Variants in DOCK3 observed in about 807,000 individuals in gnomAD.
DOCK3 encodes dedicator of cytokinesis protein 3.
DOCK3 carries 60 observed loss-of-function variants against 265.6 expected under a neutral mutation model. The ratio of observed to expected loss-of-function variants is 0.23; its 90% CI spans 0.18 to 0.28. The LOEUF (loss-of-function observed/expected upper bound fraction) is 0.28. Among genes scored for constraint, DOCK3 ranks in the 10% least tolerant of loss-of-function variants. The probability of loss-of-function intolerance (pLI) is 1.00; values close to 1 mark genes in which losing one functional copy is unlikely to be tolerated. For synonymous variants in DOCK3, 881 were observed against 938.0 expected (o/e 0.94, Z 1.11); for missense variants, 1,981 against 2,594.3 (o/e 0.76, Z 5.14).
intron 27 of DOCK3, among the ~76,000 whole-genome samples, chr3:51,296,632 A>G (rs1394047544): frequency 1.3e-5 from 2 of 151,888 alleles, no homozygotes; most frequent in African/African-American, 4.8e-5. Context: ...GCCCGCCACC[A>G]TGCCCGGCTA....
Position 51,260,390 on chromosome 3 carries a change from C to T in DOCK3, c.2355+64C>T, listed in dbSNP as rs2079787807. On this transcript the variant is annotated intron_variant, in intron 23 of 52. Coordinates refer to ENST00000266037, the MANE Select transcript of DOCK3 (RefSeq NM_004947.5). ...CTTTCTCAGTGGGTGGTTTCTTTGT[C>T]CTCTGGTTTTCAGAGATGAAGAAGC... 9.3e-6 allele frequency: 14 copies of T among 1,505,038 alleles called. No homozygotes were observed. The South Asian group carries it at 1.6e-4, about 17-fold the overall frequency. 93.2% of individuals were successfully genotyped at this position (1,505,038 alleles called of 1,614,324 possible). A position where few individuals can be genotyped will look rare whatever the true frequency, so the allele number is the denominator to read the frequency against.
intron 37 of DOCK3, among the ~76,000 whole-genome samples, chr3:51,340,497 A>G (rs776460377): frequency 1.3e-5 from 2 of 152,244 alleles, no homozygotes; most frequent in Non-Finnish European, 2.9e-5. Flanking sequence ...AAGTGGGTCA[A>G]TAAATGGTTA....
At chr3:50,979,860 CTT>C (rs1230795720) in intron 5 of DOCK3, among the ~76,000 whole-genome samples, 1 of 152,104 alleles carries the variant, frequency 6.6e-6, no homozygotes, top group Non-Finnish European at 1.5e-5. Flanking sequence ...TTGGTGGTGT[CTT>C]TAGCTTTTTC....
intron 1 of DOCK3, among the ~76,000 whole-genome samples, chr3:50,747,208 GATT>G (rs1351857363): frequency 5.3e-5 from 8 of 152,128 alleles, no homozygotes; most frequent in African/African-American, 1.7e-4. Flanking sequence ...ACACTATTTT[GATT>G]ATCGTAGCTT....
rs71084112 is a variant in DOCK3 at position 50,782,289 on chromosome 3, A to ATTTTTTTTTTTTTTTT, written c.121+3535_121+3550dup. Among the ~76,000 whole-genome samples, 124 of 110,018 alleles carry ATTTTTTTTTTTTTTTT rather than the reference A, an allele frequency of 1.1e-3. 2 individuals are homozygous for ATTTTTTTTTTTTTTTT. Among genetic ancestry groups the ATTTTTTTTTTTTTTTT allele is most frequent in the Admixed American group, 1.3e-3 (10 of 7,762 alleles). The allele number at this position is 110,018 out of a possible 152,430, so 72.2% of individuals were successfully genotyped here. ...CTCAGCAGTCTCACCAGTACCTGTTATTTTTTTTTTTTTTTTTTTGAGACG... is the reference window on the plus strand; with the variant it reads ...CTCAGCAGTCTCACCAGTACCTGTTATTTTTTTTTTTTTTTTTTTTTTTTTTTTTTTTTTTGAGACG... On this transcript the variant is annotated intron_variant, in intron 2 of 52. Coordinates refer to ENST00000266037, the MANE Select transcript of DOCK3 (RefSeq NM_004947.5).
intron 2 of DOCK3, among the ~76,000 whole-genome samples, chr3:50,837,755 A>G (rs917709723): frequency 2.0e-5 from 3 of 152,178 alleles, no homozygotes; most frequent in African/African-American, 7.2e-5. Flanking sequence ...TGAGGAAGCA[A>G]TCCTGAGATA....
At chr3:51,276,931 C>A (rs2080848394) in intron 25 of DOCK3, among the ~76,000 whole-genome samples, 1 of 151,988 alleles carries the variant, frequency 6.6e-6, no homozygotes, top group Non-Finnish European at 1.5e-5. Flanking sequence ...AGGAAGTGGC[C>A]CTTAGTGAGG....
At chr3:50,813,430 G>A (rs2043879232) in intron 2 of DOCK3, among the ~76,000 whole-genome samples, 1 of 152,170 alleles carries the variant, frequency 6.6e-6, no homozygotes, top group Non-Finnish European at 1.5e-5. Flanking sequence ...TCAACAGGCT[G>A]AGATAGGAGG....
At chr3:50,914,346 T>C (rs2050011997) in intron 4 of DOCK3, among the ~76,000 whole-genome samples, 1 of 152,142 alleles carries the variant, frequency 6.6e-6, no homozygotes, top group African/African-American at 2.4e-5. Context: ...TCTATAAACT[T>C]TCCTCTTAAT....
rs533008880 is a variant in DOCK3 at position 50,898,712 on chromosome 3, A to C, written c.218+8631A>C. 2.0e-5 allele frequency: 3 copies of C among 152,244 alleles called. No homozygotes were observed. The East Asian group carries it at 5.8e-4, about 29-fold the overall frequency. 9.4% of individuals were successfully genotyped at this position (152,244 alleles called of 1,614,324 possible). A position where few individuals can be genotyped will look rare whatever the true frequency, so the allele number is the denominator to read the frequency against. ...CTTTTTGGTTTCAAAGAACATCTTT[A>C]TTTCTGCCTTCATTTTGTTACTTAC... On this transcript the variant is annotated intron_variant, in intron 4 of 52. Transcript: ENST00000266037.
At chr3:50,849,139 G>A (rs1260993144) in intron 3 of DOCK3, among the ~76,000 whole-genome samples, 1 of 151,830 alleles carries the variant, frequency 6.6e-6, no homozygotes, top group Admixed American at 6.6e-5. Context: ...AGCTCAAGCG[G>A]CCCCTCCACT....
chr3:50,781,792 C>T (rs1274412912), intron 2 of DOCK3, among the ~76,000 whole-genome samples: 2 of 152,148 alleles, frequency 1.3e-5, no homozygotes, highest in African/African-American at 4.8e-5. Context: ...CTTCCATTCT[C>T]TGGTAGGCCC....
At position 50,977,273 on chromosome 3, in the gene DOCK3, G is replaced by A. The variant is rs543642537; in HGVS notation, c.315+43196G>A. ...TTACATTTTGGCATGATTTTGCAGCGGCTGGTACCGGTTGTTCCTTTCCAT... is the reference window on the plus strand; with the variant it reads ...TTACATTTTGGCATGATTTTGCAGCAGCTGGTACCGGTTGTTCCTTTCCAT... On this transcript the variant is annotated intron_variant, in intron 5 of 52. Transcript: ENST00000266037. Among the ~76,000 whole-genome samples the A allele has an allele frequency of 8.9e-4, 135 of 151,938 alleles. No individual in the cohort carries two copies. In the Middle Eastern group the frequency reaches 0.01, roughly 11 times the overall value.
At chr3:51,169,222 A>G (rs1236532871) in intron 12 of DOCK3, among the ~76,000 whole-genome samples, 5 of 152,228 alleles carry the variant, frequency 3.3e-5, no homozygotes. Context: ...TTGACCCAGC[A>G]ATTCCATTAC....
chr3:50,923,571 T>G (rs1293492521), intron 4 of DOCK3, among the ~76,000 whole-genome samples: 1 of 152,194 alleles, frequency 6.6e-6, no homozygotes, highest in Non-Finnish European at 1.5e-5. Context: ...ATCACTACCT[T>G]TTTAAAAATA....
chr3:50,812,836 T>C (rs2043845370), intron 2 of DOCK3, among the ~76,000 whole-genome samples: 1 of 152,196 alleles, frequency 6.6e-6, no homozygotes, highest in Non-Finnish European at 1.5e-5. Flanking sequence ...TGACACATAA[T>C]AGTAACCATC....
At chr3:51,148,858 A>G (rs1166873263) in intron 10 of DOCK3, among the ~76,000 whole-genome samples, 4 of 152,158 alleles carry the variant, frequency 2.6e-5, no homozygotes, top group East Asian at 1.9e-4. Flanking sequence ...ACTTTAAAGT[A>G]GTTTTTTCCA....
intron 22 of DOCK3, among the ~76,000 whole-genome samples, chr3:51,248,893 T>C (rs2078988649): frequency 6.9e-6 from 1 of 144,368 alleles, no homozygotes; most frequent in African/African-American, 2.6e-5. Flanking sequence ...CCACCCCGTC[T>C]GGGAGGTGAG....
intron 2 of DOCK3, among the ~76,000 whole-genome samples, chr3:50,830,366 G>T (rs534960827): frequency 6.6e-6 from 1 of 152,176 alleles, no homozygotes; most frequent in African/African-American, 2.4e-5. Flanking sequence ...GAATGGAAGA[G>T]AAATTGTGCT....
Sources: allele counts gnomAD v4.1 joint callset (sites outside exome capture counted in the v4.1 genomes callset), GRCh38; gene constraint gnomAD v4.1.1; transcripts MANE v1.5; gene names NCBI Gene and HGNC (gene_info 2026-07-23, HGNC 2026-07-21).